PDZRN3: variants seen among roughly 807,000 people sequenced by gnomAD.
PDZRN3 encodes E3 ubiquitin-protein ligase PDZRN3.
Under a neutral mutation model 85.7 loss-of-function variants are expected in PDZRN3, and 38 were observed. The observed-to-expected ratio is 0.44, with a 90% CI of 0.34 to 0.58. The LOEUF (loss-of-function observed/expected upper bound fraction) is 0.58. PDZRN3 is among the 20% of genes least tolerant of loss of function. The probability of loss-of-function intolerance (pLI) is 0.01; values close to 1 mark genes in which losing one functional copy is unlikely to be tolerated. For synonymous variants in PDZRN3, 759 were observed against 638.0 expected (o/e 1.19, Z -2.86); for missense variants, 1,629 against 1,506.4 (o/e 1.08, Z -1.35).
intron 3 of PDZRN3, among the ~76,000 whole-genome samples, chr3:73,598,737 T>C (rs1369930670): frequency 6.6e-6 from 1 of 152,148 alleles, no homozygotes; most frequent in Non-Finnish European, 1.5e-5. Flanking sequence ...GGAGCACTCA[T>C]GTAGGGAACC....
chr3:73,562,177 C>T (rs1295950240), intron 3 of PDZRN3, among the ~76,000 whole-genome samples: 1 of 152,146 alleles, frequency 6.6e-6, no homozygotes, highest in Non-Finnish European at 1.5e-5. Flanking sequence ...CTCTCCCTAC[C>T]TCTCTCTATT....
chr3:73,579,122 G>A (rs996191493), intron 3 of PDZRN3, among the ~76,000 whole-genome samples: 6 of 152,084 alleles, frequency 3.9e-5, no homozygotes, highest in African/African-American at 1.4e-4. Flanking sequence ...AAGTCTTGAG[G>A]GTTCTACCCT....
chr3:73,510,882 C>A (rs1333648218), intron 3 of PDZRN3, among the ~76,000 whole-genome samples: 1 of 152,188 alleles, frequency 6.6e-6, no homozygotes, highest in Non-Finnish European at 1.5e-5. Flanking sequence ...CATGTGGTCT[C>A]TTTCTCAAAA....
intron 5 of PDZRN3, among the ~76,000 whole-genome samples, chr3:73,395,437 T>G (rs1701615663): frequency 1.3e-5 from 2 of 152,230 alleles, no homozygotes; most frequent in African/African-American, 4.8e-5. Context: ...CTAGATGGAC[T>G]GTTGATAAAA....
intron 5 of PDZRN3, among the ~76,000 whole-genome samples, chr3:73,396,105 C>T (rs1395713642): frequency 3.9e-5 from 6 of 152,284 alleles, no homozygotes; most frequent in Non-Finnish European, 7.3e-5. Flanking sequence ...TACCTGTAAT[C>T]CCAGCTACTT....
intron 2 of PDZRN3, among the ~76,000 whole-genome samples, chr3:73,603,527 AC>A (rs1702547332): frequency 6.6e-6 from 1 of 152,228 alleles, no homozygotes; most frequent in South Asian, 2.1e-4. Flanking sequence ...ATATTTCCAA[AC>A]AAAATCATTT....
chr3:73,490,495 TG>T (rs1484317656), intron 3 of PDZRN3, among the ~76,000 whole-genome samples: 2 of 152,210 alleles, frequency 1.3e-5, no homozygotes, highest in Non-Finnish European at 2.9e-5. Flanking sequence ...CCTTTTGGGA[TG>T]GGCATCTACA....
intron 3 of PDZRN3, among the ~76,000 whole-genome samples, chr3:73,416,876 GTTTTTTTTTTTTTTTTTTTT>G (rs146381615): frequency 1.7e-4 from 19 of 110,406 alleles, no homozygotes; most frequent in African/African-American, 3.5e-4. Flanking sequence ...TTTTTTTTTG[GTTTTTTTTTTTTTTTTTTTT>G]TTTTTTTTTT....
At chr3:73,454,021 G>A (rs1159697473) in intron 3 of PDZRN3, among the ~76,000 whole-genome samples, 1 of 152,200 alleles carries the variant, frequency 6.6e-6, no homozygotes, top group East Asian at 1.9e-4. Context: ...TTTCACGACA[G>A]AGAGTAGGCC....
intron 3 of PDZRN3, among the ~76,000 whole-genome samples, chr3:73,430,129 A>G (rs1702401707): frequency 6.6e-6 from 1 of 152,172 alleles, no homozygotes; most frequent in East Asian, 1.9e-4. Context: ...GTCCCACTAT[A>G]ATTCCTTTGT....
At chr3:73,593,709 T>TACACACAC (rs57922621) in intron 3 of PDZRN3, among the ~76,000 whole-genome samples, 142 of 141,932 alleles carry the variant, frequency 1.0e-3, no homozygotes, top group Admixed American at 3.0e-3. Flanking sequence ...GAAATAAATA[T>TACACACAC]ACACACACAC....
chr3:73,619,324 C>T (rs1002534895), intron 1 of PDZRN3, among the ~76,000 whole-genome samples: 1 of 152,162 alleles, frequency 6.6e-6, no homozygotes, highest in Non-Finnish European at 1.5e-5. Flanking sequence ...AGACATGGTA[C>T]TGGACAAGAC....
chr3:73,576,969 A>C (rs1702134147), intron 3 of PDZRN3, among the ~76,000 whole-genome samples: 1 of 152,208 alleles, frequency 6.6e-6, no homozygotes, highest in Non-Finnish European at 1.5e-5. Flanking sequence ...CACTGATTAC[A>C]GGGTTGTCAA....
chr3:73,459,962 T>G (rs1045000730), intron 3 of PDZRN3, among the ~76,000 whole-genome samples: 8 of 152,204 alleles, frequency 5.3e-5, no homozygotes, highest in Admixed American at 5.2e-4. Flanking sequence ...CTCACTGCAC[T>G]TCCCCTTCCA....
chr3:73,503,339 G>A (rs1238755187), intron 3 of PDZRN3, among the ~76,000 whole-genome samples: 1 of 152,112 alleles, frequency 6.6e-6, no homozygotes, highest in African/African-American at 2.4e-5. Context: ...TCTGACGTAA[G>A]TTCCATTTAC....
At chr3:73,593,742 A>ACG in intron 3 of PDZRN3, among the ~76,000 whole-genome samples, 1 of 151,092 alleles carries the variant, frequency 6.6e-6, no homozygotes, top group African/African-American at 2.5e-5. Context: ...ACACACACAC[A>ACG]CACACACACA....
chr3:73,416,383 G>T (rs896352851), intron 3 of PDZRN3, among the ~76,000 whole-genome samples: 4 of 151,898 alleles, frequency 2.6e-5, no homozygotes, highest in African/African-American at 9.7e-5. Context: ...TTAGGACTTA[G>T]ATAGATCCTG....
chr3:73,486,044 T>A (rs933569988), intron 3 of PDZRN3, among the ~76,000 whole-genome samples: 2 of 152,190 alleles, frequency 1.3e-5, no homozygotes, highest in Admixed American at 1.3e-4. Flanking sequence ...CTGAGCAGAT[T>A]TTGTGCAAAA....
chr3:73,485,505 T>C (rs540872633), intron 3 of PDZRN3, among the ~76,000 whole-genome samples: 3 of 152,280 alleles, frequency 2.0e-5, no homozygotes, highest in African/African-American at 7.2e-5. Context: ...GTTTTCCTAC[T>C]ACTACTTGGC....
Sources: gnomAD v4.1 joint callset for allele counts (sites outside exome capture counted in the v4.1 genomes callset) on GRCh38, gnomAD v4.1.1 for gene constraint, MANE v1.5 for transcripts, NCBI Gene and HGNC (gene_info 2026-07-23, HGNC 2026-07-21) for gene names.